The following MMS22L variants were observed in gnomAD, a reference collection of about 807,000 sequenced individuals.
MMS22L encodes the protein MMS22 like, DNA repair protein, also known as protein MMS22-like.
Under a neutral mutation model 159.1 loss-of-function variants are expected in MMS22L, and 74 were observed. The observed-to-expected ratio is 0.47, with a 90% CI of 0.39 to 0.56. The LOEUF (loss-of-function observed/expected upper bound fraction) is 0.56. MMS22L is among the 20% of genes least tolerant of loss of function. The pLI, the probability that MMS22L is intolerant of heterozygous loss-of-function variation, is 0.00. For missense variants in MMS22L, 1,351 were observed against 1,422.1 expected, an observed-to-expected ratio of 0.95 and a Z score of 0.80; for synonymous variants, 517 against 506.9, an observed-to-expected ratio of 1.02 and a Z score of -0.27.
At chr6:97,180,096 G>T (rs996910541) in intron 16 of MMS22L, among the ~76,000 whole-genome samples, 24 of 148,974 alleles carry the variant, frequency 1.6e-4, no homozygotes, top group African/African-American at 2.7e-4. Flanking sequence ...GCTAAACTTG[G>T]TTTTTTTTTT....
chr6:97,165,126 C>T (rs2128246385), intron 21 of MMS22L, 120 bp downstream of exon 21: 1 of 781,372 alleles, frequency 1.3e-6, no homozygotes, highest in Non-Finnish European at 2.0e-6. Flanking sequence ...CTCAGGAAAA[C>T]AAAAAGCTTC....
chr6:97,226,146 T>C (rs1475723264), intron 14 of MMS22L, among the ~76,000 whole-genome samples: 1 of 152,210 alleles, frequency 6.6e-6, no homozygotes, highest in Non-Finnish European at 1.5e-5. Context: ...ATTTCCATTA[T>C]TAGCAACTGG....
intron 14 of MMS22L, among the ~76,000 whole-genome samples, chr6:97,226,812 A>C (rs1810311828): frequency 6.6e-6 from 1 of 152,174 alleles, no homozygotes; most frequent in African/African-American, 2.4e-5. Context: ...AGCACTGCTG[A>C]AGATGGGCGA....
chr6:97,280,885 A>G (rs1461367299), intron 3 of MMS22L, among the ~76,000 whole-genome samples: 1 of 152,214 alleles, frequency 6.6e-6, no homozygotes, highest in Non-Finnish European at 1.5e-5. Flanking sequence ...TTTCTATTAC[A>G]CAGTCTAAAC....
At chr6:97,191,293 A>G (rs1442079835) in intron 14 of MMS22L, among the ~76,000 whole-genome samples, 1 of 152,124 alleles carries the variant, frequency 6.6e-6, no homozygotes, top group Non-Finnish European at 1.5e-5. Flanking sequence ...TTCTGGGAAC[A>G]CTTACTGGAC....
intron 22 of MMS22L, among the ~76,000 whole-genome samples, chr6:97,159,131 ATT>A (rs140191756): frequency 2.0e-3 from 290 of 144,458 alleles, no homozygotes; most frequent in Non-Finnish European, 3.2e-3. Flanking sequence ...GCAACCCCTG[ATT>A]TTTTTTTTTT....
intron 14 of MMS22L, among the ~76,000 whole-genome samples, chr6:97,225,376 T>C (rs1456569348): frequency 6.6e-6 from 1 of 151,930 alleles, no homozygotes; most frequent in Non-Finnish European, 1.5e-5. Flanking sequence ...TTCTTACCTT[T>C]TTTTTTTTCT....
rs535727370 is a variant in MMS22L at position 97,151,381 on chromosome 6, T to C, written c.3482+390A>G. On this transcript the variant is annotated intron_variant, in intron 23 of 24. Transcript: ENST00000683635. Reference sequence around the variant, plus strand: ...TTTGCAGCCTAGGACCATTAGGCCATACCATATAGCTTAGGTGCAGAGTGG... The same window carrying C: ...TTTGCAGCCTAGGACCATTAGGCCACACCATATAGCTTAGGTGCAGAGTGG... Among the ~76,000 whole-genome samples the C allele has an allele frequency of 2.0e-5, 3 of 152,358 alleles. No homozygotes were observed. In the East Asian group the frequency reaches 5.8e-4, roughly 29 times the overall value.
At chr6:97,223,065 C>T (rs188872744) in intron 14 of MMS22L, among the ~76,000 whole-genome samples, 9 of 152,170 alleles carry the variant, frequency 5.9e-5, no homozygotes, top group African/African-American at 2.2e-4. Context: ...TTTCACAATG[C>T]TACTTAATCA....
At chr6:97,240,811 G>C (rs1045908116) in intron 11 of MMS22L, among the ~76,000 whole-genome samples, 6 of 151,806 alleles carry the variant, frequency 4.0e-5, no homozygotes, top group African/African-American at 1.5e-4. Flanking sequence ...ATTTTTAGTA[G>C]AGACAGAGTT....
intron 3 of MMS22L, 48 bp downstream of exon 3, chr6:97,281,189 A>G (rs369157215): frequency 3.2e-6 from 5 of 1,548,354 alleles, no homozygotes; most frequent in Non-Finnish European, 1.7e-6. Flanking sequence ...CGTAATTTAC[A>G]AAAGTGAACA....
rs1800762485 is a variant in MMS22L at position 97,143,988 on chromosome 6, C to G, written c.*2818G>C. The G allele has an allele frequency of 6.6e-6, 1 of 150,746 alleles. No individual in the cohort carries two copies. The highest frequency in any genetic ancestry group is 2.4e-5 in the African/African-American group (1 of 40,866). The allele number at this position is 150,746 out of a possible 1,614,324, so 9.3% of individuals were successfully genotyped here. A position where few individuals can be genotyped will look rare whatever the true frequency, so the allele number is the denominator to read the frequency against. ...GTCCCAGCTACTTGGGAGGCTGAGG[C>G]AGGAGAATGGCGTGAACCCGGGAGG... On this transcript the variant is annotated 3_prime_UTR_variant, in exon 25 of 25. Transcript: ENST00000683635.
At position 97,229,045 on chromosome 6, in the gene MMS22L, C is replaced by T. The variant is rs1237633319; in HGVS notation, c.1888G>A (p.Gly630Ser). The stretch of plus-strand genomic sequence containing the variant: ...CTGGTCTCAAACACTTCTTGAACAC[C>T]ATCAATGTATATGGAAAGAAGGGTC... The part of the protein sequence containing the change: ...IWTLLSIYID[G>S]VQEVFETSYC... Residue 630 changes from glycine to serine, a missense_variant, in exon 14 of 25, where the codon GGT becomes AGT. Physicochemically the swap from Gly to Ser is moderately conservative, Grantham distance 56. Coordinates refer to ENST00000683635, the MANE Select transcript of MMS22L (RefSeq NM_001350599.2). 6.2e-7 allele frequency: 1 copy of T among 1,614,064 alleles called. No individual in the cohort carries two copies. Among genetic ancestry groups the T allele is most frequent in the Admixed American group, 1.7e-5 (1 of 60,014 alleles).
intron 14 of MMS22L, among the ~76,000 whole-genome samples, chr6:97,193,906 G>A (rs1288460064): frequency 2.0e-5 from 3 of 151,924 alleles, no homozygotes; most frequent in East Asian, 1.9e-4. Context: ...GACTACAGGC[G>A]CCCGCCACCA....
intron 14 of MMS22L, among the ~76,000 whole-genome samples, chr6:97,228,636 A>T (rs1292726212): frequency 6.6e-6 from 1 of 152,232 alleles, no homozygotes; most frequent in Non-Finnish European, 1.5e-5. Flanking sequence ...CATTATGCAT[A>T]TGCAAATATT....
intron 14 of MMS22L, among the ~76,000 whole-genome samples, chr6:97,191,870 T>A (rs1347176501): frequency 6.6e-6 from 1 of 152,012 alleles, no homozygotes; most frequent in Non-Finnish European, 1.5e-5. Flanking sequence ...AAACAAAAAA[T>A]CCCTGAAATT....
chr6:97,255,725 T>C (rs1393818506), intron 9 of MMS22L, among the ~76,000 whole-genome samples: 2 of 151,842 alleles, frequency 1.3e-5, no homozygotes, highest in East Asian at 1.9e-4. Flanking sequence ...CTTTAACTTA[T>C]GAGTTATTTA....
chr6:97,194,754 C>CT (rs1156559160), intron 14 of MMS22L, among the ~76,000 whole-genome samples: 1 of 151,966 alleles, frequency 6.6e-6, no homozygotes. Context: ...GGAGAAAAAC[C>CT]TTTGGGGGGA....
chr6:97,180,836 G>A (rs1402850240), intron 16 of MMS22L, among the ~76,000 whole-genome samples: 2 of 152,102 alleles, frequency 1.3e-5, no homozygotes, highest in African/African-American at 4.8e-5. Context: ...AAAGCCCAAT[G>A]AAAAAATGTA....
Sources: allele counts gnomAD v4.1 joint callset (sites outside exome capture counted in the v4.1 genomes callset), GRCh38; gene constraint gnomAD v4.1.1; transcripts MANE v1.5; gene names NCBI Gene and HGNC (gene_info 2026-07-23, HGNC 2026-07-21).